SUGCT: variants seen among roughly 807,000 people sequenced by gnomAD.
SUGCT encodes succinyl-CoA:glutarate-CoA transferase.
Under a neutral mutation model 55.0 loss-of-function variants are expected in SUGCT, and 41 were observed. The ratio of observed to expected loss-of-function variants is 0.74; its 90% confidence interval spans 0.58 to 0.97. The LOEUF (loss-of-function observed/expected upper bound fraction) is 0.97, where lower values mean the gene tolerates loss of function less well. SUGCT is among the 50% of genes least tolerant of loss of function. The pLI is 0.00. For missense variants in SUGCT, 568 were observed against 547.8 expected, an observed-to-expected ratio of 1.04 and a Z score of -0.37; for synonymous variants, 187 against 200.4, an observed-to-expected ratio of 0.93 and a Z score of 0.56.
At chr7:40,191,911 C>T (rs895710374) in intron 5 of SUGCT, among the ~76,000 whole-genome samples, 2 of 151,988 alleles carry the variant, frequency 1.3e-5, no homozygotes, top group African/African-American at 4.8e-5. Flanking sequence ...ACTTCGAGAC[C>T]AGCCTGGCCA....
chr7:40,926,295 G>C, the SUGCT span, among the ~76,000 whole-genome samples: 1 of 151,902 alleles, frequency 6.6e-6, no homozygotes, highest in Non-Finnish European at 1.5e-5. Context: ...CTTGAGAATT[G>C]GGTAAGATTG....
At chr7:40,215,734 C>A (rs1047644343) in intron 6 of SUGCT, among the ~76,000 whole-genome samples, 1 of 151,610 alleles carries the variant, frequency 6.6e-6, no homozygotes, top group African/African-American at 2.4e-5. Context: ...AGGTGGCGGG[C>A]GCCTGTAGTC....
At chr7:40,975,900 C>T in the SUGCT span, among the ~76,000 whole-genome samples, 1 of 152,230 alleles carries the variant, frequency 6.6e-6, no homozygotes, top group African/African-American at 2.4e-5. Context: ...AGAGTAGCTT[C>T]TGAGAGTTCA....
At chr7:40,751,383 C>T (rs935627056) in intron 13 of SUGCT, among the ~76,000 whole-genome samples, 4 of 152,058 alleles carry the variant, frequency 2.6e-5, no homozygotes, top group East Asian at 3.9e-4. Context: ...TTAAAGCCGG[C>T]GGTCAGGTTA....
intron 1 of SUGCT, among the ~76,000 whole-genome samples, chr7:40,135,606 C>T (rs1289242304): frequency 2.6e-5 from 4 of 152,212 alleles, no homozygotes; most frequent in Non-Finnish European, 5.9e-5. Context: ...TCTTTACTCC[C>T]TCTGAATTTG....
chr7:40,521,521 T>A (rs1793526551), intron 12 of SUGCT, among the ~76,000 whole-genome samples: 1 of 152,086 alleles, frequency 6.6e-6, no homozygotes, highest in African/African-American at 2.4e-5. Flanking sequence ...ACCAGTGAAG[T>A]CTTGGCTGAT....
At chr7:40,679,436 G>C (rs1467743583) in intron 12 of SUGCT, among the ~76,000 whole-genome samples, 9 of 152,130 alleles carry the variant, frequency 5.9e-5, no homozygotes, top group Admixed American at 5.9e-4. Context: ...ATCTATGCTG[G>C]AGTGTCTTAA....
At chr7:40,684,777 A>G (rs141488678) in intron 12 of SUGCT, among the ~76,000 whole-genome samples, 9 of 152,254 alleles carry the variant, frequency 5.9e-5, no homozygotes, top group Admixed American at 3.3e-4. Context: ...TTACATTACC[A>G]TGAGTATGTA....
the SUGCT span, among the ~76,000 whole-genome samples, chr7:41,008,762 G>T: frequency 6.6e-6 from 1 of 151,898 alleles, no homozygotes; most frequent in Non-Finnish European, 1.5e-5. Context: ...CCTTCCCTGG[G>T]TCTGTTTCAT....
At chr7:40,749,130 TA>T (rs1253349003) in intron 12 of SUGCT, among the ~76,000 whole-genome samples, 1 of 152,156 alleles carries the variant, frequency 6.6e-6, no homozygotes, top group Non-Finnish European at 1.5e-5. Context: ...GGAGCATCCA[TA>T]AATGAAAGAG....
At chr7:40,806,574 C>T (rs1160135050) in intron 13 of SUGCT, among the ~76,000 whole-genome samples, 1 of 152,008 alleles carries the variant, frequency 6.6e-6, no homozygotes. Context: ...CTTGGTTTTC[C>T]TCTCTTCCCC....
rs1796613199 is a variant in SUGCT at position 40,335,215 on chromosome 7, A to G, written c.816+18360A>G. 5.9e-5 allele frequency among the ~76,000 whole-genome samples: 9 copies of G among 152,252 alleles called. No individual in the cohort carries two copies. In the South Asian group the frequency reaches 1.9e-3, roughly 31 times the overall value. ...GCCTCTAGCTTTGTTCTTTTGGCTT[A>G]GGATTGTCTTGGCAATGCAGGCCCT... On this transcript the variant is annotated intron_variant, in intron 9 of 13. Transcript: ENST00000335693.
At chr7:40,475,288 A>G (rs1281193004) in intron 11 of SUGCT, among the ~76,000 whole-genome samples, 1 of 152,138 alleles carries the variant, frequency 6.6e-6, no homozygotes, top group Non-Finnish European at 1.5e-5. Flanking sequence ...TCAGCAATAG[A>G]CACCATCCTC....
chr7:40,597,008 T>C (rs1584091885), intron 12 of SUGCT, among the ~76,000 whole-genome samples: 1 of 152,214 alleles, frequency 6.6e-6, no homozygotes, highest in African/African-American at 2.4e-5. Flanking sequence ...GGATGCGAAA[T>C]GACTATTTGA....
At chr7:41,018,517 T>G in the SUGCT span, among the ~76,000 whole-genome samples, 1 of 152,234 alleles carries the variant, frequency 6.6e-6, no homozygotes, top group African/African-American at 2.4e-5. Context: ...AGATTTATCC[T>G]AAAACCAAGT....
intron 6 of SUGCT, among the ~76,000 whole-genome samples, chr7:40,203,671 A>G (rs1295918819): frequency 6.6e-6 from 1 of 151,994 alleles, no homozygotes; most frequent in Non-Finnish European, 1.5e-5. Flanking sequence ...GCTACTTGGG[A>G]GACTGAGGCA....
the SUGCT span, among the ~76,000 whole-genome samples, chr7:40,925,968 C>A: frequency 6.6e-6 from 1 of 152,080 alleles, no homozygotes; most frequent in African/African-American, 2.4e-5. Flanking sequence ...GTGGCACATG[C>A]CTGTAATCCT....
chr7:41,030,060 G>A, the SUGCT span, among the ~76,000 whole-genome samples: 1 of 152,122 alleles, frequency 6.6e-6, no homozygotes, highest in Non-Finnish European at 1.5e-5. Context: ...ATGCATTAAG[G>A]CTTCTCCATG....
chr7:40,281,306 A>AT (rs1792938065), intron 8 of SUGCT, among the ~76,000 whole-genome samples: 1 of 152,182 alleles, frequency 6.6e-6, no homozygotes, highest in South Asian at 2.1e-4. Context: ...GAAAGCTGAG[A>AT]TTGTGTTGAA....
Sources: gnomAD v4.1 joint callset for allele counts (sites outside exome capture counted in the v4.1 genomes callset) on GRCh38, gnomAD v4.1.1 for gene constraint, MANE v1.5 for transcripts, NCBI Gene and HGNC (gene_info 2026-07-23, HGNC 2026-07-21) for gene names.